Variants in FAM169A observed in about 807,000 individuals in gnomAD.
FAM169A encodes the protein soluble lamin-associated protein of 75 kDa.
Under a neutral mutation model 75.7 loss-of-function variants are expected in FAM169A, and 24 were observed. The observed-to-expected ratio is 0.32, with a 90% CI of 0.23 to 0.45. FAM169A has a LOEUF of 0.45. Ranked by LOEUF, FAM169A falls within the 20% of genes least tolerant of loss-of-function variation. The probability of loss-of-function intolerance (pLI) is 1.00; values close to 1 mark genes in which losing one functional copy is unlikely to be tolerated. For synonymous variants in FAM169A, 271 were observed against 271.0 expected, an observed-to-expected ratio of 1.00 and a Z score of 0.00; for missense variants, 673 against 784.0, an observed-to-expected ratio of 0.86 and a Z score of 1.69.
At chr5:74,842,456 A>AAAAAAC (rs1748928676) in intron 1 of FAM169A, among the ~76,000 whole-genome samples, 2 of 126,244 alleles carry the variant, frequency 1.6e-5, no homozygotes, top group Non-Finnish European at 3.3e-5. Flanking sequence ...AAAAAAAAAA[A>AAAAAAC]TCACTGAATT....
chr5:74,788,720 GAA>G (rs1308551168), intron 11 of FAM169A, among the ~76,000 whole-genome samples: 1 of 150,386 alleles, frequency 6.6e-6, no homozygotes, highest in Non-Finnish European at 1.5e-5. Flanking sequence ...AAAAAAAAAA[GAA>G]AGAAAAATAG....
chr5:74,858,229 T>G (rs1044019839), intron 1 of FAM169A, among the ~76,000 whole-genome samples: 1 of 151,732 alleles, frequency 6.6e-6, no homozygotes, highest in African/African-American at 2.4e-5. Context: ...CTACTAAAAA[T>G]GCAAAAAAAT....
rs1748471586 is a variant in FAM169A, at chr5:74,834,511, T to A, written c.405A>T (p.Pro135=). 1 of 1,605,002 alleles carries A rather than the reference T, an allele frequency of 6.2e-7. No homozygotes were observed. The highest frequency in any genetic ancestry group is 8.5e-7 in the Non-Finnish European group (1 of 1,176,082). The change falls in exon 5 of 13, where the codon CCA becomes CCT. Residue 135 remains proline (P), a synonymous_variant. Transcript: ENST00000687041. Reference sequence around the variant, plus strand: ...AATCAGTACTGCTATGACACAGGAATGGGATCTCATTTCTCTCCATTTCCT... The same window carrying A: ...AATCAGTACTGCTATGACACAGGAAAGGGATCTCATTTCTCTCCATTTCCT... ...RKQEMERNEI[P]FLCHSSTDYA...
At chr5:74,861,176 C>T (rs1750017601) in intron 1 of FAM169A, among the ~76,000 whole-genome samples, 2 of 152,088 alleles carry the variant, frequency 1.3e-5, no homozygotes, top group African/African-American at 4.8e-5. Context: ...GTTCCCAATT[C>T]GTATTTTCAA....
chr5:74,838,144 A>G (rs1215185835), intron 4 of FAM169A, among the ~76,000 whole-genome samples: 2 of 150,540 alleles, frequency 1.3e-5, no homozygotes, highest in Non-Finnish European at 3.0e-5. Flanking sequence ...AAAATTCATG[A>G]TCCTCATTAA....
intron 8 of FAM169A, among the ~76,000 whole-genome samples, chr5:74,802,345 A>T (rs1746623980): frequency 6.6e-6 from 1 of 152,092 alleles, no homozygotes; most frequent in South Asian, 2.1e-4. Context: ...CCTGATGACA[A>T]AGTGATACTT....
At chr5:74,820,951 G>C (rs114782200) in intron 5 of FAM169A, among the ~76,000 whole-genome samples, 1,784 of 152,246 alleles carry the variant, frequency 0.012, 35 homozygotes, top group African/African-American at 0.041. Flanking sequence ...TTCTGCCTCA[G>C]GGCTTCTGCA....
At position 74,838,137 on chromosome 5, in the gene FAM169A, A is replaced by T. The variant is rs1197935785; in HGVS notation, c.318+828T>A. 4.0e-5 allele frequency among the ~76,000 whole-genome samples: 6 copies of T among 150,948 alleles called. No individual in the cohort carries two copies. In the Admixed American group the frequency reaches 4.0e-4, roughly 10 times the overall value. ...CCCAAAAAAAAAAAAAAAAAAAAAA[A>T]TTCATGATCCTCATTAAGGCTCTCT... is the stretch of plus-strand genomic sequence containing the variant. On this transcript the variant is annotated intron_variant, in intron 4 of 12. Coordinates refer to ENST00000687041, the MANE Select transcript of FAM169A (RefSeq NM_001376049.1).
chr5:74,846,907 T>C (rs943602558), intron 1 of FAM169A, among the ~76,000 whole-genome samples: 1 of 152,156 alleles, frequency 6.6e-6, no homozygotes, highest in Non-Finnish European at 1.5e-5. Flanking sequence ...CCCACCCTAC[T>C]ACGTCATGGC....
Position 74,781,336 on chromosome 5 carries a change from G to T in FAM169A, c.*124C>A, listed in dbSNP as rs546239796. The T allele has an allele frequency of 2.4e-6, 2 of 834,528 alleles. No homozygotes were observed. Among genetic ancestry groups the T allele is most frequent in the South Asian group, 1.8e-5 (1 of 54,078 alleles). The allele number at this position is 834,528 out of a possible 1,614,324, so 51.7% of individuals were successfully genotyped here. A position where few individuals can be genotyped will look rare whatever the true frequency, so the allele number is the denominator to read the frequency against. ...AGGGAAGCAAAAAACTGCATAGTAA[G>T]TAAGTTCAAATTGAAATTTTGGAAA... is the stretch of plus-strand genomic sequence containing the variant. On this transcript the variant is annotated 3_prime_UTR_variant, in exon 13 of 13. Coordinates refer to ENST00000687041, the MANE Select transcript of FAM169A (RefSeq NM_001376049.1).
intron 4 of FAM169A, among the ~76,000 whole-genome samples, chr5:74,837,642 G>C (rs1327668171): frequency 6.6e-6 from 1 of 152,022 alleles, no homozygotes; most frequent in Non-Finnish European, 1.5e-5. Context: ...CTGTGAATTG[G>C]AGTAACAGGA....
chr5:74,839,414 A>T (rs1015303974), intron 3 of FAM169A, among the ~76,000 whole-genome samples: 1 of 149,742 alleles, frequency 6.7e-6, no homozygotes, highest in African/African-American at 2.5e-5. Flanking sequence ...GTGCGCACAC[A>T]CTCTCTCTTG....
At position 74,813,846 on chromosome 5, in the gene FAM169A, A is replaced by T. The variant is rs751973248; in HGVS notation, c.664T>A (p.Tyr222Asn). ...GLRYPLSSLMYTACKQYFEKY... is the reference protein window; with the variant it reads ...GLRYPLSSLMNTACKQYFEKY... Reference sequence around the variant, plus strand: ...TTTAACTTAGTCCATTTACCTGTATACATGAGAGAAGACAGTGGATACCGC... The same window carrying T: ...TTTAACTTAGTCCATTTACCTGTATTCATGAGAGAAGACAGTGGATACCGC... The change falls in exon 6 of 13, where the codon TAT becomes AAT. Residue 222 changes from tyrosine (Y) to asparagine (N), a missense_variant. Transcript: ENST00000687041. The T allele has an allele frequency of 6.4e-7, 1 of 1,568,318 alleles. No homozygotes were observed. Among genetic ancestry groups the T allele is most frequent in the Non-Finnish European group, 8.6e-7 (1 of 1,165,762 alleles).
At chr5:74,855,327 C>T (rs1749652660) in intron 1 of FAM169A, among the ~76,000 whole-genome samples, 3 of 152,184 alleles carry the variant, frequency 2.0e-5, no homozygotes, top group Admixed American at 2.0e-4. Flanking sequence ...TCCCCAGTAG[C>T]TGGGACGACA....
intron 1 of FAM169A, among the ~76,000 whole-genome samples, chr5:74,842,007 A>G (rs918587582): frequency 1.3e-5 from 2 of 152,096 alleles, no homozygotes; most frequent in Non-Finnish European, 2.9e-5. Flanking sequence ...ACTCTCATAA[A>G]CCACTCAACA....
At chr5:74,845,850 G>A (rs1015118825) in intron 1 of FAM169A, among the ~76,000 whole-genome samples, 2 of 152,280 alleles carry the variant, frequency 1.3e-5, no homozygotes, top group South Asian at 2.1e-4. Context: ...TAGCTCTATT[G>A]TGAAGGAAGC....
At chr5:74,786,730 T>C (rs1011974337) in intron 11 of FAM169A, among the ~76,000 whole-genome samples, 4 of 152,202 alleles carry the variant, frequency 2.6e-5, no homozygotes, top group African/African-American at 9.7e-5. Flanking sequence ...TTATCTCCTG[T>C]AGACAAAGAG....
chr5:74,840,006 C>T, intron 3 of FAM169A, 68 bp downstream of exon 3: 1 of 798,770 alleles, frequency 1.3e-6, no homozygotes. Context: ...ATGTAGCTAC[C>T]TTTTAAATAA....
Position 74,795,950 on chromosome 5 carries a change from T to C in FAM169A, c.1260+80A>G, listed in dbSNP as rs1250224379. 4.2e-6 allele frequency: 6 copies of C among 1,441,874 alleles called. No individual in the cohort carries two copies. In the East Asian group the frequency reaches 9.1e-5, roughly 22 times the overall value. The allele number at this position is 1,441,874 out of a possible 1,614,324, so 89.3% of individuals were successfully genotyped here. ...TCTAACACTCTAAAATATATCGCTATACTTTTCTAACAACATGTGATTAAG... is the reference window on the plus strand; with the variant it reads ...TCTAACACTCTAAAATATATCGCTACACTTTTCTAACAACATGTGATTAAG... On this transcript the variant is annotated intron_variant, in intron 11 of 12. Transcript: ENST00000687041.
Sources: gnomAD v4.1 joint callset for allele counts (sites outside exome capture counted in the v4.1 genomes callset) on GRCh38, gnomAD v4.1.1 for gene constraint, MANE v1.5 for transcripts, NCBI Gene and HGNC (gene_info 2026-07-23, HGNC 2026-07-21) for gene names.